MYH13: variants seen among roughly 807,000 people sequenced by gnomAD.
MYH13 encodes myosin-13.
Under a neutral mutation model 232.1 loss-of-function variants are expected in MYH13, and 177 were observed. That is an observed-to-expected ratio of 0.76 (90% CI 0.67 to 0.86). The LOEUF is 0.86. Among genes scored for constraint, MYH13 ranks in the 40% least tolerant of loss-of-function variants. The probability of loss-of-function intolerance (pLI) is 0.00; values close to 1 mark genes in which losing one functional copy is unlikely to be tolerated. For missense variants in MYH13, 2,246 were observed against 2,405.9 expected, an observed-to-expected ratio of 0.93 and a Z score of 1.39; for synonymous variants, 884 against 923.5, an observed-to-expected ratio of 0.96 and a Z score of 0.78.
rs73283833 is a variant in MYH13, at chr17:10,364,011, G to A, written c.204+316C>T. 9.5e-3 allele frequency among the ~76,000 whole-genome samples: 1,443 copies of A among 152,266 alleles called. 24 individuals carry two copies. Among genetic ancestry groups the A allele is most frequent in the African/African-American group, 0.033 (1,376 of 41,548 alleles). On this transcript the variant is annotated intron_variant, in intron 3 of 40. Coordinates refer to ENST00000252172, the MANE Select transcript of MYH13 (RefSeq NM_003802.3). ...TCTGTAGCAGCCACTCTGCAGCCCA[G>A]AGAGGTATAATTGGTCGGCCCATCC... is the stretch of plus-strand genomic sequence containing the variant.
chr17:10,338,733 C>T (rs768784569), intron 18 of MYH13, among the ~76,000 whole-genome samples: 1 of 133,468 alleles, frequency 7.5e-6, no homozygotes, highest in Non-Finnish European at 1.6e-5. Context: ...CGGAGTTTCG[C>T]TCTGTCGCCC....
At position 10,321,619 on chromosome 17, in the gene MYH13, C is replaced by T. The variant is rs202221384; in HGVS notation, c.3024G>A (p.Gln1008=). ...KEKKSLQEAH[Q]QTLDDLQVEE... ...CCACCTGAAGATCATCCAGTGTTTG[C>T]TGATGGGCCTCCTGTAGAGATTTCT... The change falls in exon 24 of 41, where the codon CAG becomes CAA. Residue 1008 remains glutamine, a synonymous_variant. Transcript: ENST00000252172. 21 of 1,613,496 alleles carry T rather than the reference C, an allele frequency of 1.3e-5. No individual in the cohort carries two copies. Among genetic ancestry groups the T allele is most frequent in the Middle Eastern group, 3.3e-4 (2 of 6,062 alleles).
chr17:10,336,441 C>T (rs2071575906), intron 18 of MYH13, among the ~76,000 whole-genome samples: 1 of 152,136 alleles, frequency 6.6e-6, no homozygotes, highest in Admixed American at 6.5e-5. Context: ...ATTAGCCATG[C>T]TTTTGAAATA....
chr17:10,307,410 G>A (rs910303928), intron 35 of MYH13, among the ~76,000 whole-genome samples: 2 of 152,064 alleles, frequency 1.3e-5, no homozygotes, highest in African/African-American at 4.8e-5. Flanking sequence ...ATCAAAATAT[G>A]CCATAAATAG....
chr17:10,364,153 A>G (rs1273849462), intron 3 of MYH13, among the ~76,000 whole-genome samples, 174 bp downstream of exon 3: 3 of 152,206 alleles, frequency 2.0e-5, no homozygotes, highest in African/African-American at 7.2e-5. Context: ...GAAAGAGGCA[A>G]GAGTGAAGGT....
At chr17:10,311,784 G>A (rs1906515863) in intron 32 of MYH13, 127 bp downstream of exon 32, 1 of 1,100,696 alleles carries the variant, frequency 9.1e-7, no homozygotes, top group African/African-American at 1.6e-5. Flanking sequence ...TCAATGTGAG[G>A]CATGATGGGT....
chr17:10,340,305 A>T, intron 17 of MYH13, 23 bp downstream of exon 17: 1 of 1,613,810 alleles, frequency 6.2e-7, no homozygotes, highest in East Asian at 2.2e-5. Flanking sequence ...ACAAGTGAAT[A>T]TGGAAGCTGC....
rs561199119 is a variant in MYH13 at position 10,327,812 on chromosome 17, C to A, written c.2691+54G>T. On this transcript the variant is annotated intron_variant, in intron 22 of 40. Coordinates refer to ENST00000252172, the MANE Select transcript of MYH13 (RefSeq NM_003802.3). Reference sequence around the variant, plus strand: ...TGATGGCGCCCTCAATGTTCCTCCCCCTTTTCTGTCCTCCAGAGTCTGTGT... The same window carrying A: ...TGATGGCGCCCTCAATGTTCCTCCCACTTTTCTGTCCTCCAGAGTCTGTGT... 1.7e-4 allele frequency: 263 copies of A among 1,582,112 alleles called. No homozygotes were observed. In the African/African-American group the frequency reaches 3.3e-3, roughly 20 times the overall value.
chr17:10,302,782 G>A (rs1906139065), intron 39 of MYH13, among the ~76,000 whole-genome samples: 1 of 152,114 alleles, frequency 6.6e-6, no homozygotes, highest in Non-Finnish European at 1.5e-5. Flanking sequence ...GCCTAGGAGG[G>A]TGGGCTGTGG....
intron 35 of MYH13, 48 bp from the exon 36 acceptor site, chr17:10,307,112 T>TA (rs751743442): frequency 2.5e-6 from 4 of 1,592,100 alleles, no homozygotes; most frequent in Admixed American, 1.9e-5. Context: ...TTGGGGCGCT[T>TA]AAAAAAATTG....
chr17:10,344,563 A>C (rs554696466), intron 15 of MYH13, among the ~76,000 whole-genome samples: 58 of 152,006 alleles, frequency 3.8e-4, no homozygotes, highest in Non-Finnish European at 7.1e-4. Context: ...CACGTCTGTA[A>C]TCCCAGTACT....
intron 35 of MYH13, among the ~76,000 whole-genome samples, chr17:10,308,169 C>G (rs1906355978): frequency 6.6e-6 from 1 of 151,844 alleles, no homozygotes; most frequent in Non-Finnish European, 1.5e-5. Flanking sequence ...TACAAAAATA[C>G]AAAAATTAGC....
Position 10,315,720 on chromosome 17 carries a change from A to G in MYH13, c.3957T>C (p.Leu1319=), listed in dbSNP as rs545049750. ...KQALTQQLEE[L]KRQMEEETKA... ...TGGTTTCTTCTTCCATTTGCCTCTT[A>G]AGCTCCTCCAGCTGCTGGGTGAGGG... The change falls in exon 29 of 41, where the codon CTT becomes CTC. Residue 1319 remains leucine (L), a synonymous_variant. Coordinates refer to ENST00000252172, the MANE Select transcript of MYH13 (RefSeq NM_003802.3). 1.2e-6 allele frequency: 2 copies of G among 1,613,910 alleles called. No individual in the cohort carries two copies. Among genetic ancestry groups the G allele is most frequent in the Middle Eastern group, 1.6e-4 (1 of 6,062 alleles).
At chr17:10,320,064 G>GA in intron 26 of MYH13, 89 bp downstream of exon 26, 1 of 949,012 alleles carries the variant, frequency 1.1e-6, no homozygotes, top group Non-Finnish European at 1.6e-6. Flanking sequence ...AGGAAGGAAA[G>GA]AAGCAGCTAA....
rs1342288391 is a variant in MYH13, at chr17:10,364,421, G to T, written c.110C>A (p.Ala37Asp). ...AQNRPFDSKK[A>D]CFVADNKEMY... ...TTCCTTATTATCCGCTACAAAGCAG[G>T]CTTTCTTGGAATCGAATGGACGATT... The change falls in exon 3 of 41, where the codon GCC (alanine) becomes GAC (aspartate). Residue 37 changes from alanine (A) to aspartate (D), a missense_variant. Ala to Asp is a moderately radical substitution (Grantham distance 126). Transcript: ENST00000252172. 15 of 1,613,630 alleles carry T rather than the reference G, an allele frequency of 9.3e-6. No individual in the cohort carries two copies. Among genetic ancestry groups the T allele is most frequent in the Non-Finnish European group, 1.3e-5 (15 of 1,179,800 alleles).
intron 37 of MYH13, among the ~76,000 whole-genome samples, 161 bp from the exon 38 acceptor site, chr17:10,303,659 C>G (rs1014914137): frequency 6.6e-6 from 1 of 152,196 alleles, no homozygotes; most frequent in African/African-American, 2.4e-5. Flanking sequence ...AATAGGAACA[C>G]TTTTACACTG....
At chr17:10,339,624 G>C (rs2071605717) in intron 18 of MYH13, among the ~76,000 whole-genome samples, 1 of 152,166 alleles carries the variant, frequency 6.6e-6, no homozygotes. Flanking sequence ...CTGTGGCTCT[G>C]ATGTGCCTAT....
chr17:10,353,993 G>A (rs182117847), intron 11 of MYH13, among the ~76,000 whole-genome samples: 6 of 151,576 alleles, frequency 4.0e-5, no homozygotes, highest in Non-Finnish European at 8.8e-5. Context: ...TTGACGAATT[G>A]TGTCTTCCAG....
At chr17:10,303,994 C>A (rs2142214651) in intron 37 of MYH13, among the ~76,000 whole-genome samples, 1 of 152,206 alleles carries the variant, frequency 6.6e-6, no homozygotes, top group African/African-American at 2.4e-5. Flanking sequence ...AGCTGGAAAC[C>A]ATCATTCTCA....
Sources: gnomAD v4.1 joint callset for allele counts (sites outside exome capture counted in the v4.1 genomes callset) on GRCh38, gnomAD v4.1.1 for gene constraint, MANE v1.5 for transcripts, NCBI Gene and HGNC (gene_info 2026-07-23, HGNC 2026-07-21) for gene names.